RBFOX2: variants seen among roughly 807,000 people sequenced by gnomAD.
The protein encoded by RBFOX2 is RNA binding fox-1 homolog 2.
RBFOX2 carries 10 observed loss-of-function variants against 49.1 expected under a neutral mutation model. That is an observed-to-expected ratio of 0.20 (90% CI 0.13 to 0.35). RBFOX2 has a LOEUF of 0.35. RBFOX2 is among the 10% of genes least tolerant of loss of function. The pLI, the probability that RBFOX2 is intolerant of heterozygous loss-of-function variation, is 1.00. For missense variants in RBFOX2, 323 were observed against 486.9 expected (o/e 0.66, Z 3.17); for synonymous variants, 183 against 187.4 (o/e 0.98, Z 0.19).
chr22:35,988,686 A>C (rs1476176456), intron 1 of RBFOX2, among the ~76,000 whole-genome samples: 1 of 152,216 alleles, frequency 6.6e-6, no homozygotes, highest in African/African-American at 2.4e-5. Flanking sequence ...AGATCACCAA[A>C]GTCTTTTAGT....
intron 1 of RBFOX2, among the ~76,000 whole-genome samples, chr22:36,022,094 A>G (rs578153775): frequency 6.6e-6 from 1 of 152,222 alleles, no homozygotes; most frequent in Non-Finnish European, 1.5e-5. Context: ...GATGTTTACT[A>G]TGCTTTACAA....
chr22:35,808,227 A>G (rs1435849095), intron 2 of RBFOX2, among the ~76,000 whole-genome samples: 2 of 152,206 alleles, frequency 1.3e-5, no homozygotes, highest in Non-Finnish European at 2.9e-5. Flanking sequence ...TACGTTTATG[A>G]TTCTAGAACA....
intron 2 of RBFOX2, among the ~76,000 whole-genome samples, chr22:35,782,563 C>T (rs1362308093): frequency 1.3e-5 from 2 of 152,208 alleles, no homozygotes; most frequent in Non-Finnish European, 2.9e-5. Context: ...CCTTGTGATC[C>T]GCCCGCCTTG....
intron 1 of RBFOX2, among the ~76,000 whole-genome samples, chr22:35,991,572 G>A (rs1188592251): frequency 6.6e-6 from 1 of 152,178 alleles, no homozygotes; most frequent in Non-Finnish European, 1.5e-5. Flanking sequence ...ACAGTCAGAA[G>A]AGCAGAGGAG....
intron 6 of RBFOX2, among the ~76,000 whole-genome samples, chr22:35,764,674 T>TA (rs1940354359): frequency 6.6e-6 from 1 of 151,868 alleles, no homozygotes; most frequent in Non-Finnish European, 1.5e-5. Flanking sequence ...TTGCTCAGAC[T>TA]AAAGTACAGC....
At chr22:35,891,963 A>G (rs1390370138) in intron 1 of RBFOX2, among the ~76,000 whole-genome samples, 3 of 152,198 alleles carry the variant, frequency 2.0e-5, no homozygotes, top group Non-Finnish European at 4.4e-5. Context: ...GAGGAAAAAT[A>G]TTTCACAAAA....
In RBFOX2 at chr22:35,771,881, C is replaced by T. The variant is rs1206612568; in HGVS notation, c.454-3532G>A. On this transcript the variant is annotated intron_variant, in intron 4 of 11. Transcript: ENST00000405409. ...GTTTAAAAGTTATCAGTAGAAAAGT[C>T]TGCTTACATGAACTCATGTTTTGTC... Among the ~76,000 whole-genome samples the T allele has an allele frequency of 3.3e-5, 5 of 152,278 alleles. 1 individual carries two copies. The highest frequency in any genetic ancestry group is 1.2e-4 in the African/African-American group (5 of 41,568).
At chr22:35,894,679 A>G (rs755230671) in intron 1 of RBFOX2, among the ~76,000 whole-genome samples, 4 of 152,184 alleles carry the variant, frequency 2.6e-5, no homozygotes, top group Admixed American at 6.5e-5. Context: ...TTAAAAACCT[A>G]ACACCTTGGA....
At chr22:35,763,606 T>C (rs1309852867) in intron 6 of RBFOX2, among the ~76,000 whole-genome samples, 1 of 152,198 alleles carries the variant, frequency 6.6e-6, no homozygotes, top group East Asian at 1.9e-4. Flanking sequence ...TGACATGTTG[T>C]TAGTAATACT....
At chr22:35,781,807 C>T in intron 2 of RBFOX2, 61 bp from the exon 4 acceptor site, 1 of 1,595,950 alleles carries the variant, frequency 6.3e-7, no homozygotes, top group Non-Finnish European at 8.6e-7. Context: ...TTAAAGTTAT[C>T]CCCCCACAGC....
intron 1 of RBFOX2, among the ~76,000 whole-genome samples, chr22:35,955,483 G>A (rs1390031748): frequency 6.8e-6 from 1 of 146,686 alleles, no homozygotes. Flanking sequence ...CAACTTAATA[G>A]AACAGTGGTC....
At chr22:35,955,504 T>C (rs1330560427) in intron 1 of RBFOX2, among the ~76,000 whole-genome samples, 1 of 151,912 alleles carries the variant, frequency 6.6e-6, no homozygotes, top group Non-Finnish European at 1.5e-5. Flanking sequence ...CCCAATCTTT[T>C]TGGCACAGGG....
At chr22:35,801,885 C>A (rs1490480592) in intron 2 of RBFOX2, among the ~76,000 whole-genome samples, 1 of 152,054 alleles carries the variant, frequency 6.6e-6, no homozygotes, top group Non-Finnish European at 1.5e-5. Context: ...TCAACCAGAG[C>A]ATCCTAAAAA....
intron 8 of RBFOX2, among the ~76,000 whole-genome samples, chr22:35,760,650 C>T (rs973523485): frequency 1.3e-5 from 2 of 152,132 alleles, no homozygotes; most frequent in Admixed American, 1.3e-4. Context: ...TTCTAGGGGC[C>T]TCATATCCTT....
intron 1 of RBFOX2, among the ~76,000 whole-genome samples, chr22:35,887,219 T>A (rs1354807913): frequency 2.6e-5 from 4 of 152,192 alleles, no homozygotes; most frequent in Admixed American, 2.0e-4. Flanking sequence ...CTTGCCATAT[T>A]TTAGCATTCA....
chr22:35,855,990 G>A (rs1487614560), intron 1 of RBFOX2, among the ~76,000 whole-genome samples: 1 of 151,400 alleles, frequency 6.6e-6, no homozygotes, highest in Non-Finnish European at 1.5e-5. Flanking sequence ...CTAGGAGACA[G>A]AGTGAGACTC....
intron 1 of RBFOX2, among the ~76,000 whole-genome samples, chr22:35,821,272 C>A (rs1173212535): frequency 2.6e-5 from 4 of 151,874 alleles, no homozygotes; most frequent in African/African-American, 9.7e-5. Flanking sequence ...CACATGATAG[C>A]AAATCAAATA....
At chr22:35,930,061 G>A (rs1033733493) in intron 1 of RBFOX2, among the ~76,000 whole-genome samples, 2 of 131,410 alleles carry the variant, frequency 1.5e-5, no homozygotes, top group Non-Finnish European at 3.1e-5. Context: ...TCACTCTGTC[G>A]CCCAGGCTCG....
chr22:35,855,294 G>A (rs979116496), intron 1 of RBFOX2, among the ~76,000 whole-genome samples: 3 of 152,076 alleles, frequency 2.0e-5, no homozygotes, highest in African/African-American at 7.2e-5. Flanking sequence ...CAATATTATG[G>A]ATGCTTTTAT....
Sources: allele counts gnomAD v4.1 joint callset (sites outside exome capture counted in the v4.1 genomes callset), GRCh38; gene constraint gnomAD v4.1.1; transcripts MANE v1.5; gene names NCBI Gene and HGNC (gene_info 2026-07-23, HGNC 2026-07-21).